Variants in PDCD1LG2 observed in about 807,000 individuals in gnomAD.
The protein encoded by PDCD1LG2 is programmed cell death 1 ligand 2, also known as B7 dendritic cell molecule.
PDCD1LG2 carries 32 observed loss-of-function variants against 28.2 expected under a neutral mutation model. That is an observed-to-expected ratio of 1.13 (90% confidence interval 0.86 to 1.52). PDCD1LG2 has a LOEUF of 1.52. Among genes scored for constraint, PDCD1LG2 ranks in the 40% most tolerant of loss-of-function variants. The pLI is 0.00. For missense variants in PDCD1LG2, 385 were observed against 323.8 expected, an observed-to-expected ratio of 1.19 and a Z score of -1.45; for synonymous variants, 116 against 120.2, an observed-to-expected ratio of 0.97 and a Z score of 0.23.
chr9:5,543,531 T>C (rs1820731037), intron 3 of PDCD1LG2, among the ~76,000 whole-genome samples: 1 of 106,590 alleles, frequency 9.4e-6, no homozygotes, highest in Non-Finnish European at 1.7e-5. Context: ...AGAGCGAGAC[T>C]CCGTCTCAAA....
At chr9:5,547,092 T>C (rs954992609) in intron 3 of PDCD1LG2, among the ~76,000 whole-genome samples, 4 of 152,166 alleles carry the variant, frequency 2.6e-5, no homozygotes, top group Admixed American at 6.5e-5. Flanking sequence ...TTCTCTTCCA[T>C]AGGATGTAAA....
At chr9:5,559,561 A>C (rs946819186) in intron 5 of PDCD1LG2, among the ~76,000 whole-genome samples, 4 of 152,126 alleles carry the variant, frequency 2.6e-5, no homozygotes, top group African/African-American at 4.8e-5. Flanking sequence ...TGGTCTTTCT[A>C]TCTGTAAAAG....
chr9:5,562,004 A>G (rs1816572618), intron 5 of PDCD1LG2, among the ~76,000 whole-genome samples: 1 of 152,194 alleles, frequency 6.6e-6, no homozygotes, highest in South Asian at 2.1e-4. Flanking sequence ...ACAGTGCTGA[A>G]TAGAGACCTC....
intron 2 of PDCD1LG2, among the ~76,000 whole-genome samples, chr9:5,523,211 G>A (rs955444924): frequency 2.0e-5 from 3 of 152,194 alleles, no homozygotes; most frequent in Non-Finnish European, 2.9e-5. Flanking sequence ...TGAGCAGAAA[G>A]AAAAGCAGTT....
intron 4 of PDCD1LG2, among the ~76,000 whole-genome samples, chr9:5,555,348 C>T (rs7028938): frequency 0.16 from 24,153 of 151,996 alleles, 2,476 homozygotes; most frequent in African/African-American, 0.28. Flanking sequence ...ACCCAGGAGG[C>T]GGAGGTTGCA....
At chr9:5,568,225 T>C (rs1171611832) in intron 6 of PDCD1LG2, among the ~76,000 whole-genome samples, 1 of 152,214 alleles carries the variant, frequency 6.6e-6, no homozygotes, top group Non-Finnish European at 1.5e-5. Flanking sequence ...CAAAGGCCTC[T>C]AAGGCAGGGG....
At position 5,555,942 on chromosome 9, in the gene PDCD1LG2, C is replaced by T. The variant is rs184402812; in HGVS notation, c.632-1676C>T. Among the ~76,000 whole-genome samples, 13 of 152,260 alleles carry T rather than the reference C, an allele frequency of 8.5e-5. No individual in the cohort carries two copies. The East Asian group carries it at 2.1e-3, about 25-fold the overall frequency. ...AAGAATGGATTAACCAGCAGTATAC[C>T]ACAAGGTAACAAATGACTAGGAGGA... On this transcript the variant is annotated intron_variant, in intron 4 of 6. Coordinates refer to ENST00000397747, the MANE Select transcript of PDCD1LG2 (RefSeq NM_025239.4).
At chr9:5,511,591 G>T (rs1820059806) in intron 1 of PDCD1LG2, among the ~76,000 whole-genome samples, 1 of 152,210 alleles carries the variant, frequency 6.6e-6, no homozygotes, top group Non-Finnish European at 1.5e-5. Context: ...ACAAAATGCA[G>T]AGTAAAAATA....
chr9:5,529,906 T>C (rs187667035), intron 2 of PDCD1LG2, among the ~76,000 whole-genome samples: 4 of 152,342 alleles, frequency 2.6e-5, no homozygotes, highest in African/African-American at 9.6e-5. Context: ...ATGAGTCAGG[T>C]GCTTAGAGCA....
chr9:5,561,944 TGG>T (rs1224088423), intron 5 of PDCD1LG2, among the ~76,000 whole-genome samples: 1 of 152,176 alleles, frequency 6.6e-6, no homozygotes. Flanking sequence ...GCAATTCCTA[TGG>T]GTTAACCATT....
intron 3 of PDCD1LG2, 75 bp from the exon 4 acceptor site, chr9:5,549,260 C>A: frequency 2.2e-6 from 3 of 1,366,026 alleles, no homozygotes; most frequent in Non-Finnish European, 3.0e-6. Flanking sequence ...TTATTCATTT[C>A]ACATGGCATG....
chr9:5,562,367 C>G (rs1816581630), intron 5 of PDCD1LG2, among the ~76,000 whole-genome samples: 1 of 152,064 alleles, frequency 6.6e-6, no homozygotes, highest in Non-Finnish European at 1.5e-5. Flanking sequence ...GGTCATTATT[C>G]CAAGTGAAGT....
intron 2 of PDCD1LG2, among the ~76,000 whole-genome samples, chr9:5,530,652 G>C (rs867228418): frequency 1.3e-5 from 2 of 152,142 alleles, no homozygotes; most frequent in African/African-American, 4.8e-5. Flanking sequence ...TCACTTCTTT[G>C]AGCCTCAGTT....
intron 3 of PDCD1LG2, among the ~76,000 whole-genome samples, chr9:5,546,912 G>A (rs1054260288): frequency 7.9e-5 from 12 of 152,152 alleles, no homozygotes; most frequent in Non-Finnish European, 1.3e-4. Context: ...CAAAGTGCAC[G>A]CAGGTTCTGG....
At chr9:5,532,114 T>C (rs1820494679) in intron 2 of PDCD1LG2, among the ~76,000 whole-genome samples, 1 of 152,200 alleles carries the variant, frequency 6.6e-6, no homozygotes, top group Non-Finnish European at 1.5e-5. Context: ...AAAAGAATCA[T>C]ACAGGAAATC....
In PDCD1LG2 at chr9:5,570,049, G is replaced by A. The variant is rs1816742514; in HGVS notation, c.*90G>A. On this transcript the variant is annotated 3_prime_UTR_variant, in exon 7 of 7. Transcript: ENST00000397747. Reference sequence around the variant, plus strand: ...AAGAATTCGGTGGCCTGCAGAGCTTGCCATTTGCACTTTTCAAATGCCTTT... The same window carrying A: ...AAGAATTCGGTGGCCTGCAGAGCTTACCATTTGCACTTTTCAAATGCCTTT... 1 of 1,542,872 alleles carries A rather than the reference G, an allele frequency of 6.5e-7. No homozygotes were observed. The highest frequency in any genetic ancestry group is 1.1e-5 in the South Asian group (1 of 88,986).
chr9:5,537,388 T>C (rs1471744441), intron 3 of PDCD1LG2, among the ~76,000 whole-genome samples: 5 of 152,204 alleles, frequency 3.3e-5, no homozygotes, highest in Admixed American at 1.3e-4. Flanking sequence ...AGGGACACAT[T>C]CCCAATAAAT....
At chr9:5,551,577 G>A (rs1437665711) in intron 4 of PDCD1LG2, among the ~76,000 whole-genome samples, 2 of 152,206 alleles carry the variant, frequency 1.3e-5, no homozygotes, top group African/African-American at 4.8e-5. Context: ...TGGTTGACAG[G>A]AATATGAACT....
chr9:5,560,094 T>G (rs574985862), intron 5 of PDCD1LG2, among the ~76,000 whole-genome samples: 1 of 152,238 alleles, frequency 6.6e-6, no homozygotes, highest in African/African-American at 2.4e-5. Flanking sequence ...AATCCCCTTA[T>G]TATATGTTTC....
Sources: gnomAD v4.1 joint callset for allele counts (sites outside exome capture counted in the v4.1 genomes callset) on GRCh38, gnomAD v4.1.1 for gene constraint, MANE v1.5 for transcripts, NCBI Gene and HGNC (gene_info 2026-07-23, HGNC 2026-07-21) for gene names.